Variants in MGAT3 observed in about 807,000 individuals in gnomAD.
MGAT3 encodes the protein GlcNAc-T III.
In MGAT3, 9 loss-of-function variants were observed where a neutral mutation model predicts 29.8. The ratio of observed to expected loss-of-function variants is 0.30; its 90% CI spans 0.18 to 0.53. The LOEUF (loss-of-function observed/expected upper bound fraction) is 0.53. MGAT3 is among the 20% of genes least tolerant of loss of function. The pLI, the probability that MGAT3 is intolerant of heterozygous loss-of-function variation, is 0.96. For synonymous variants in MGAT3, 397 were observed against 348.9 expected (o/e 1.14, Z -1.54); for missense variants, 557 against 769.5 (o/e 0.72, Z 3.27).
chr22:39,477,448 G>C (rs950138764), intron 1 of MGAT3: 4 of 151,538 alleles, frequency 2.6e-5, no homozygotes, highest in Non-Finnish European at 5.9e-5. Context: ...AGGTGTCTTT[G>C]TTACCTTTCT....
At chr22:39,475,128 CTT>C (rs58543840) in intron 1 of MGAT3, among the ~76,000 whole-genome samples, 2,153 of 118,732 alleles carry the variant, frequency 0.018, 76 homozygotes, top group African/African-American at 0.063. Flanking sequence ...GCTTGCCAGG[CTT>C]TTTTTTTTTT....
At chr22:39,462,668 G>A (rs1293266431) in intron 1 of MGAT3, among the ~76,000 whole-genome samples, 1 of 152,122 alleles carries the variant, frequency 6.6e-6, no homozygotes, top group African/African-American at 2.4e-5. Context: ...TCACAGCAGG[G>A]AGCTGACAAG....
intron 1 of MGAT3, among the ~76,000 whole-genome samples, chr22:39,473,107 T>C (rs1928857096): frequency 1.3e-5 from 2 of 152,066 alleles, no homozygotes; most frequent in Non-Finnish European, 2.9e-5. Context: ...AGAGAACAGC[T>C]AAGATACTGA....
intron 1 of MGAT3, among the ~76,000 whole-genome samples, chr22:39,468,863 T>G (rs1928728711): frequency 6.6e-6 from 1 of 151,886 alleles, no homozygotes. Flanking sequence ...CTCAGCCGAA[T>G]CCTCCAGGAA....
At chr22:39,478,996 C>T (rs1201821278) in intron 1 of MGAT3, among the ~76,000 whole-genome samples, 1 of 152,238 alleles carries the variant, frequency 6.6e-6, no homozygotes, top group Non-Finnish European at 1.5e-5. Flanking sequence ...CTCCCTCTTC[C>T]AGGATCACCT....
At chr22:39,479,672 C>T (rs911131575) in intron 1 of MGAT3, among the ~76,000 whole-genome samples, 1 of 152,240 alleles carries the variant, frequency 6.6e-6, no homozygotes, top group African/African-American at 2.4e-5. Context: ...TCATTGAGTG[C>T]TTACTGTGTG....
At chr22:39,473,570 G>A (rs1928870266) in intron 1 of MGAT3, among the ~76,000 whole-genome samples, 1 of 152,090 alleles carries the variant, frequency 6.6e-6, no homozygotes, top group Non-Finnish European at 1.5e-5. Flanking sequence ...TGAACGTTGG[G>A]GGACACATTT....
At chr22:39,458,522 A>G (rs1928406468) in intron 1 of MGAT3, among the ~76,000 whole-genome samples, 1 of 151,960 alleles carries the variant, frequency 6.6e-6, no homozygotes. Context: ...AGATCCAGAC[A>G]TGGAGCCCAG....
intron 1 of MGAT3, among the ~76,000 whole-genome samples, chr22:39,464,108 G>C (rs1035269528): frequency 6.6e-6 from 1 of 151,662 alleles, no homozygotes; most frequent in Non-Finnish European, 1.5e-5. Context: ...CATACACCGC[G>C]CTCACCCCTG....
chr22:39,469,005 G>T (rs1157127514), intron 1 of MGAT3, among the ~76,000 whole-genome samples: 2 of 151,986 alleles, frequency 1.3e-5, no homozygotes, highest in Non-Finnish European at 2.9e-5. Flanking sequence ...CTTGGCTCAT[G>T]GGGGCCGGGT....
rs1928386933 is a variant in MGAT3 at position 39,457,987 on chromosome 22, G to T, written c.-2+430G>T. On this transcript the variant is annotated intron_variant, in intron 1 of 1. Transcript: ENST00000341184. The surrounding 1 kb of genome is among the most constrained non-coding windows in gnomAD (Gnocchi z 6.8). ...CTCCGCGCCCGCCTTCCCCACCCCCGACCCCAGACTGCGGCGGCGGCAGCC... is the reference window on the plus strand; with the variant it reads ...CTCCGCGCCCGCCTTCCCCACCCCCTACCCCAGACTGCGGCGGCGGCAGCC... 6.6e-6 allele frequency among the ~76,000 whole-genome samples: 1 copy of T among 151,962 alleles called. No individual in the cohort carries two copies.
Position 39,488,193 on chromosome 22 carries a change from G to A in MGAT3, c.846G>A (p.Arg282=). The change falls in exon 2 of 2, where the codon CGG becomes CGA. Residue 282 remains arginine, a synonymous_variant. Transcript: ENST00000341184. ...TGGACCACTTCCCGCCCGGCGGCCGGCAGGACGGCTGGATCGCCGACGACT... is the reference window on the plus strand; with the variant it reads ...TGGACCACTTCCCGCCCGGCGGCCGACAGGACGGCTGGATCGCCGACGACT... ...VFLDHFPPGG[R]QDGWIADDYL... 2 of 1,612,834 alleles carry A rather than the reference G, an allele frequency of 1.2e-6. No homozygotes were observed. The highest frequency in any genetic ancestry group is 2.2e-5 in the East Asian group (1 of 44,864).
At chr22:39,459,064 TTTC>T (rs1407080230) in intron 1 of MGAT3, among the ~76,000 whole-genome samples, 2 of 39,528 alleles carry the variant, frequency 5.1e-5, no homozygotes, top group African/African-American at 1.3e-4. Context: ...TTTCTTTTCT[TTTC>T]TTTTCTTTTT....
At chr22:39,481,844 G>A (rs73885233) in intron 1 of MGAT3, among the ~76,000 whole-genome samples, 2,614 of 152,312 alleles carry the variant, frequency 0.017, 83 homozygotes, top group African/African-American at 0.059. Flanking sequence ...TACCTGCTTC[G>A]TGTTGGGAGG....
At chr22:39,485,511 C>A (rs973108254) in intron 1 of MGAT3, among the ~76,000 whole-genome samples, 1 of 152,110 alleles carries the variant, frequency 6.6e-6, no homozygotes, top group Non-Finnish European at 1.5e-5. Context: ...TTTATTTAGG[C>A]CAGGCATGGT....
chr22:39,462,608 G>T (rs745781098), intron 1 of MGAT3, among the ~76,000 whole-genome samples: 1 of 152,202 alleles, frequency 6.6e-6, no homozygotes, highest in Non-Finnish European at 1.5e-5. Flanking sequence ...GTGAGGCTTC[G>T]GGAAGGGGCG....
chr22:39,468,365 T>G (rs966032940), intron 1 of MGAT3, among the ~76,000 whole-genome samples: 3 of 152,226 alleles, frequency 2.0e-5, no homozygotes, highest in Non-Finnish European at 4.4e-5. Context: ...CACCAGGGCA[T>G]GAGGCAGTGA....
intron 1 of MGAT3, among the ~76,000 whole-genome samples, chr22:39,463,402 C>T (rs930434032): frequency 1.3e-5 from 2 of 152,134 alleles, no homozygotes; most frequent in Non-Finnish European, 2.9e-5. Context: ...GGGCTCCCAG[C>T]AGGGCCTGTT....
chr22:39,487,366 A>T lies in MGAT3; in HGVS notation c.19A>T (p.Lys7Ter). 6.2e-7 allele frequency: 1 copy of T among 1,612,832 alleles called. No homozygotes were observed. MKMRRYKLFLMFCMAGL... is the reference protein window; with the variant it reads MKMRRY ...CCGCAGGATGAAGATGAGACGCTAC[A>T]AGCTCTTTCTCATGTTCTGTATGGC... Residue 7 changes from lysine (K) to a stop codon, truncating the protein, a stop_gained, in exon 2 of 2, where the codon AAG becomes TAG. Transcript: ENST00000341184. LOFTEE classifies it high-confidence loss of function. This position sits in a 1 kb window ranked among gnomAD's most constrained non-coding sequence, Gnocchi z 5.7.
Sources: allele counts gnomAD v4.1 joint callset (sites outside exome capture counted in the v4.1 genomes callset), GRCh38; gene constraint gnomAD v4.1.1; non-coding constraint Gnocchi (gnomAD v3.1); transcripts MANE v1.5; gene names NCBI Gene and HGNC (gene_info 2026-07-23, HGNC 2026-07-21).